The following CCSER1 variants were observed in gnomAD, a reference collection of about 807,000 sequenced individuals.
The protein encoded by CCSER1 is coiled-coil serine rich protein 1, also known as serine-rich coiled-coil domain-containing protein 1.
In CCSER1, 41 loss-of-function variants were observed where a neutral mutation model predicts 82.0. The ratio of observed to expected loss-of-function variants is 0.50; its 90% CI spans 0.39 to 0.65. The LOEUF (loss-of-function observed/expected upper bound fraction) is 0.65. Among genes scored for constraint, CCSER1 ranks in the 30% least tolerant of loss-of-function variants. The pLI is 0.00. For missense variants in CCSER1, 1,119 were observed against 1,064.2 expected (o/e 1.05, Z -0.72); for synonymous variants, 414 against 383.9 (o/e 1.08, Z -0.92).
chr4:91,527,978 G>A (rs904540164), intron 10 of CCSER1, among the ~76,000 whole-genome samples: 3 of 152,112 alleles, frequency 2.0e-5, no homozygotes, highest in South Asian at 2.1e-4. Flanking sequence ...GCAGTGTCGC[G>A]ATCTCGGCTC....
rs1490543438 is a variant in CCSER1, at chr4:91,306,101, G to GA, written c.2217+220114dup. 5.8e-5 allele frequency among the ~76,000 whole-genome samples: 8 copies of GA among 138,710 alleles called. No individual in the cohort carries two copies. The East Asian group carries it at 1.8e-3, about 32-fold the overall frequency. The allele number at this position is 138,710 out of a possible 152,430, so 91.0% of individuals were successfully genotyped here. On this transcript the variant is annotated intron_variant, in intron 10 of 10. Transcript: ENST00000509176. Reference sequence around the variant, plus strand: ...TGTGTGTGTGTGTGTGTGTGTATACGAAAAAAATCCATAACAGAAATTTTT... The same window carrying GA: ...TGTGTGTGTGTGTGTGTGTGTATACGAAAAAAAATCCATAACAGAAATTTTT...
intron 10 of CCSER1, among the ~76,000 whole-genome samples, chr4:91,098,982 T>C (rs1284103227): frequency 2.0e-5 from 3 of 152,208 alleles, no homozygotes; most frequent in Non-Finnish European, 4.4e-5. Context: ...AGGTCTAGTA[T>C]TTTGTATAAT....
At chr4:90,732,838 C>T (rs1376466689) in intron 7 of CCSER1, among the ~76,000 whole-genome samples, 1 of 152,160 alleles carries the variant, frequency 6.6e-6, no homozygotes, top group African/African-American at 2.4e-5. Context: ...CAGCTCCATC[C>T]CTGTTGTTAC....
At chr4:90,632,715 T>C (rs1291765741) in intron 6 of CCSER1, among the ~76,000 whole-genome samples, 1 of 152,090 alleles carries the variant, frequency 6.6e-6, no homozygotes, top group Non-Finnish European at 1.5e-5. Flanking sequence ...GGTTAGGATA[T>C]TGTGTTTTAG....
chr4:90,937,600 T>C (rs1232592746), intron 9 of CCSER1, among the ~76,000 whole-genome samples: 1 of 152,054 alleles, frequency 6.6e-6, no homozygotes, highest in African/African-American at 2.4e-5. Context: ...CCCTCCCCTA[T>C]TTATGCAATT....
chr4:90,897,913 C>T (rs1723965645), intron 8 of CCSER1, among the ~76,000 whole-genome samples: 1 of 151,936 alleles, frequency 6.6e-6, no homozygotes, highest in East Asian at 1.9e-4. Context: ...TGTATGTTTT[C>T]TTTAGAGAAG....
chr4:91,352,867 G>A (rs1001871097), intron 10 of CCSER1, among the ~76,000 whole-genome samples: 1 of 152,126 alleles, frequency 6.6e-6, no homozygotes, highest in African/African-American at 2.4e-5. Context: ...ACTCAGGACT[G>A]GTGTCTACTG....
intron 10 of CCSER1, among the ~76,000 whole-genome samples, chr4:91,477,133 C>A (rs770555258): frequency 1.2e-4 from 18 of 151,442 alleles, no homozygotes; most frequent in Non-Finnish European, 2.4e-4. Context: ...AAGAGACAAC[C>A]CACAGAATGG....
At chr4:91,009,718 A>T (rs187560785) in intron 9 of CCSER1, among the ~76,000 whole-genome samples, 352 of 152,208 alleles carry the variant, frequency 2.3e-3, no homozygotes, top group African/African-American at 7.2e-3. Context: ...AAAATATTCT[A>T]TTGTTTTAAC....
At chr4:91,259,361 A>C (rs753275458) in intron 10 of CCSER1, among the ~76,000 whole-genome samples, 2 of 152,190 alleles carry the variant, frequency 1.3e-5, no homozygotes, top group Non-Finnish European at 2.9e-5. Flanking sequence ...GTTTTCTGAC[A>C]TTCATTTTCC....
At chr4:90,272,741 G>A (rs950907645) in intron 1 of CCSER1, among the ~76,000 whole-genome samples, 1 of 152,172 alleles carries the variant, frequency 6.6e-6, no homozygotes, top group Non-Finnish European at 1.5e-5. Context: ...AATGGCTCAC[G>A]CCTGTAATCC....
At chr4:91,515,625 T>G (rs1237027872) in intron 10 of CCSER1, among the ~76,000 whole-genome samples, 4 of 152,172 alleles carry the variant, frequency 2.6e-5, no homozygotes, top group East Asian at 1.9e-4. Flanking sequence ...TTAGGTTGAT[T>G]CCATGTCTTT....
intron 1 of CCSER1, among the ~76,000 whole-genome samples, chr4:90,227,643 T>C (rs1743444688): frequency 6.6e-6 from 1 of 152,216 alleles, no homozygotes; most frequent in African/African-American, 2.4e-5. Context: ...TAGGAACAGC[T>C]CTGGTCTACA....
intron 10 of CCSER1, among the ~76,000 whole-genome samples, chr4:91,237,599 C>T (rs138166664): frequency 4.6e-5 from 7 of 152,134 alleles, no homozygotes; most frequent in South Asian, 4.1e-4. Flanking sequence ...TTAACTCATT[C>T]GTCTCTATTC....
intron 10 of CCSER1, among the ~76,000 whole-genome samples, chr4:91,107,641 T>C (rs201187547): frequency 6.7e-4 from 29 of 43,242 alleles, no homozygotes; most frequent in African/African-American, 1.8e-3. Flanking sequence ...CTTTTTCTCT[T>C]TTTTTTTTTT....
chr4:91,264,633 A>G (rs1741434981), intron 10 of CCSER1, among the ~76,000 whole-genome samples: 1 of 152,048 alleles, frequency 6.6e-6, no homozygotes, highest in Non-Finnish European at 1.5e-5. Context: ...AAAATTTTAC[A>G]TTACCACTGT....
chr4:90,240,553 A>T (rs1174495285), intron 1 of CCSER1, among the ~76,000 whole-genome samples: 2 of 152,156 alleles, frequency 1.3e-5, no homozygotes, highest in Non-Finnish European at 2.9e-5. Flanking sequence ...TACTGGGAAC[A>T]CTCAGCATCA....
intron 8 of CCSER1, among the ~76,000 whole-genome samples, chr4:90,821,059 C>T (rs970135914): frequency 2.6e-5 from 4 of 152,010 alleles, no homozygotes; most frequent in South Asian, 2.1e-4. Flanking sequence ...AAATAAGGGC[C>T]GCAGAGGGAT....
intron 10 of CCSER1, among the ~76,000 whole-genome samples, chr4:91,205,975 T>C (rs1736310511): frequency 6.6e-6 from 1 of 151,774 alleles, no homozygotes; most frequent in South Asian, 2.1e-4. Flanking sequence ...AGTAACATCT[T>C]ACAATATGAG....
Sources: allele counts gnomAD v4.1 joint callset (sites outside exome capture counted in the v4.1 genomes callset), GRCh38; gene constraint gnomAD v4.1.1; transcripts MANE v1.5; gene names NCBI Gene and HGNC (gene_info 2026-07-23, HGNC 2026-07-21).